Variants in EVPL observed in about 807,000 individuals in gnomAD.
The protein encoded by EVPL is envoplakin.
In EVPL, 94 loss-of-function variants were observed where a neutral mutation model predicts 129.7. That is an observed-to-expected ratio of 0.72 (90% CI 0.61 to 0.86). The LOEUF is 0.86. EVPL is among the 40% of genes least tolerant of loss of function. The pLI is 0.00. For missense variants in EVPL, 2,625 were observed against 2,721.1 expected (o/e 0.96, Z 0.79); for synonymous variants, 1,172 against 1,191.1 (o/e 0.98, Z 0.33).
rs935670032 is a variant in EVPL at position 76,013,029 on chromosome 17, C to T, written c.2374-940G>A. On this transcript the variant is annotated intron_variant, in intron 18 of 21. Coordinates refer to ENST00000301607, the MANE Select transcript of EVPL (RefSeq NM_001988.4). This position sits in a 1 kb window ranked among gnomAD's most constrained non-coding sequence, Gnocchi z 4.3. ...AAAGTGCTGGGATTACAGGCGTGAG[C>T]CACCGCGCCCGGCCTGAGAATTCAT... Among the ~76,000 whole-genome samples the T allele has an allele frequency of 8.5e-5, 13 of 152,150 alleles. No homozygotes were observed. The highest frequency in any genetic ancestry group is 3.1e-4 in the African/African-American group (13 of 41,434).
At chr17:76,021,617 C>CGGG in intron 8 of EVPL, 54 bp from the exon 9 acceptor site, 1 of 1,396,384 alleles carries the variant, frequency 7.2e-7, no homozygotes, top group Non-Finnish European at 9.4e-7. Flanking sequence ...GTCCGCCCCA[C>CGGG]CTCCCCCCTT....
rs751613911 is a variant in EVPL at position 76,010,004 on chromosome 17, C to T, written c.3201G>A (p.Glu1067=). 8 of 1,613,426 alleles carry T rather than the reference C, an allele frequency of 5.0e-6. No individual in the cohort carries two copies. The African/African-American group carries it at 5.3e-5, about 11-fold the overall frequency. Residue 1067 remains glutamate, a synonymous_variant, in exon 22 of 22, where the codon GAG becomes GAA. Coordinates refer to ENST00000301607, the MANE Select transcript of EVPL (RefSeq NM_001988.4). ...KKELLALEKR[E]VDVKEKVVVK... is the part of the protein sequence containing the mutation. ...CCACGACCTTCTCCTTCACGTCCAC[C>T]TCCCTCTTCTCAAGGGCCAGTAGCT... is the stretch of plus-strand genomic sequence containing the variant.
chr17:76,023,737 C>A (rs3893461), intron 2 of EVPL, 83 bp from the exon 3 acceptor site: 1 of 1,454,424 alleles, frequency 6.9e-7, no homozygotes, highest in Non-Finnish European at 9.1e-7. Context: ...TGAGCCCCAA[C>A]TTTGGGACCC....
Position 76,023,286 on chromosome 17 carries a change from C to T in EVPL, c.480+6G>A, listed in dbSNP as rs553374842. On this transcript the variant is annotated splice_donor_region_variant and intron_variant, in intron 4 of 21. Coordinates refer to ENST00000301607, the MANE Select transcript of EVPL (RefSeq NM_001988.4). ...TCACACTGGGGTGTGACTTTGAGTT[C>T]CTGACCTGTTTCTGCTCCAGCACGC... is the stretch of plus-strand genomic sequence containing the variant. The T allele has an allele frequency of 1.5e-5, 24 of 1,613,814 alleles. No homozygotes were observed. The South Asian group carries it at 2.4e-4, about 16-fold the overall frequency.
chr17:76,008,893 C>T lies in EVPL; in HGVS notation c.4312G>A (p.Glu1438Lys), dbSNP rs1308064195. 2 of 1,613,824 alleles carry T rather than the reference C, an allele frequency of 1.2e-6. No individual in the cohort carries two copies. The highest frequency in any genetic ancestry group is 1.7e-5 in the Admixed American group (1 of 60,024). The change falls in exon 22 of 22, where the codon GAG becomes AAG. Residue 1438 changes from glutamate (E) to lysine (K), a missense_variant. Transcript: ENST00000301607. The surrounding 1 kb of genome is among the most constrained non-coding windows in gnomAD (Gnocchi z 7.4). ...ATCCTCAAGGTCAGCTGCCGCAGCT[C>T]CCTCTCCACGGCCAGCTTCTTGCTG... ...DRSKKLAVER[E>K]LRQLTLRIQE...
chr17:76,021,602 C>A (rs747216415), intron 8 of EVPL, 39 bp from the exon 9 acceptor site: 3 of 1,446,250 alleles, frequency 2.1e-6, no homozygotes, highest in Non-Finnish European at 1.8e-6. Flanking sequence ...CCACGCCCCC[C>A]CCACGTCCGC....
chr17:76,007,265 C>T lies in EVPL; in HGVS notation c.5940G>A (p.Lys1980=), dbSNP rs1334896359. ...QLLQDESSYE[K]DLTDPISKER... Reference sequence around the variant, plus strand: ...CCTTGGAGATGGGGTCTGTCAAATCCTTCTCGTAGCTGGACTCGTCCTGCA... The same window carrying T: ...CCTTGGAGATGGGGTCTGTCAAATCTTTCTCGTAGCTGGACTCGTCCTGCA... Residue 1980 remains lysine, a synonymous_variant, in exon 22 of 22, where the codon AAG becomes AAA. Transcript: ENST00000301607. The surrounding 1 kb of genome is among the most constrained non-coding windows in gnomAD (Gnocchi z 8.8). 2 of 1,564,384 alleles carry T rather than the reference C, an allele frequency of 1.3e-6. No homozygotes were observed. The highest frequency in any genetic ancestry group is 1.9e-5 in the Admixed American group (1 of 52,358).
At position 76,008,215 on chromosome 17, in the gene EVPL, C is replaced by A. The variant is rs376849439; in HGVS notation, c.4990G>T (p.Ala1664Ser). 6.2e-7 allele frequency: 1 copy of A among 1,614,074 alleles called. No homozygotes were observed. Among genetic ancestry groups the A allele is most frequent in the East Asian group, 2.2e-5 (1 of 44,886 alleles). ...CTGAGCTCCTCCCGGCTCACCTTGG[C>A]GTGGAGGTCCCGGAGCGTCCGCTCC... is the stretch of plus-strand genomic sequence containing the variant. ...EKERTLRDLH[A>S]KVSREELSQE... The change falls in exon 22 of 22, where the codon GCC becomes TCC. Residue 1664 changes from alanine (A) to serine (S), a missense_variant. Around this residue, in one of 4 missense-constraint regions of EVPL, gnomAD observed 1,453 missense variants for 1,511.8 expected, o/e 0.96. Transcript: ENST00000301607. This position sits in a 1 kb window ranked among gnomAD's most constrained non-coding sequence, Gnocchi z 7.4.
rs555827892 is a variant in EVPL, at chr17:76,008,973, T to G, written c.4232A>C (p.Gln1411Pro). The change falls in exon 22 of 22, where the codon CAG becomes CCG. Residue 1411 changes from glutamine (Q) to proline (P), a missense_variant. Physicochemically the swap from Gln to Pro is moderately conservative, Grantham distance 76. This residue lies in a region of EVPL where 1,453 missense variants were observed against 1,511.8 expected (regional missense o/e 0.96). Transcript: ENST00000301607. This position sits in a 1 kb window ranked among gnomAD's most constrained non-coding sequence, Gnocchi z 7.4. ...RRRQLELEVQ[Q>P]LRAGVEEQEG... is the part of the protein sequence containing the mutation. ...CTGCTCCTCCACGCCGGCCCGCAGC[T>G]GCTGCACCTCAAGCTCTAGCTGGCG... 6.2e-7 allele frequency: 1 copy of G among 1,611,744 alleles called. No homozygotes were observed. The highest frequency in any genetic ancestry group is 2.2e-5 in the East Asian group (1 of 44,866).
In EVPL at chr17:76,008,012, G is replaced by C; in HGVS notation, c.5193C>G (p.Pro1731=). The C allele has an allele frequency of 1.2e-6, 2 of 1,614,098 alleles. No individual in the cohort carries two copies. Residue 1731 remains proline, a synonymous_variant, in exon 22 of 22, where the codon CCC becomes CCG. Transcript: ENST00000301607. The surrounding 1 kb of genome is among the most constrained non-coding windows in gnomAD (Gnocchi z 7.4). ...CDWEEVTTSG[P]CGEESVLLDR... is the part of the protein sequence containing the mutation. ...CCAGGAGCACAGACTCCTCCCCACAGGGCCCCGAGGTGGTGACCTCCTCCC... is the reference window on the plus strand; with the variant it reads ...CCAGGAGCACAGACTCCTCCCCACACGGCCCCGAGGTGGTGACCTCCTCCC...
rs889969019 is a variant in EVPL, at chr17:76,027,020, G to T, written c.98+81C>A. The T allele has an allele frequency of 1.9e-5, 16 of 842,972 alleles. No individual in the cohort carries two copies. The East Asian group carries it at 4.8e-4, about 26-fold the overall frequency. 52.2% of individuals were successfully genotyped at this position (842,972 alleles called of 1,614,324 possible). ...TGGTCCTGGGCTCTGGGCCGCCGCC[G>T]CCGCCAGGTGGCTCAAGGACCTGGG... On this transcript the variant is annotated intron_variant, in intron 1 of 21. Coordinates refer to ENST00000301607, the MANE Select transcript of EVPL (RefSeq NM_001988.4).
In EVPL at chr17:76,008,645, GTA is replaced by G. The variant is rs765264329; in HGVS notation, c.4558_4559del (p.Tyr1520GlnfsTer15). ...CCTTCTGCACCCGGATCACTTCCTT[GTA>G]GATGGTCTTCTCCTGCGATTTGGCT... ...QKAKSQEKTIYKEVIRVQKDR... is the reference protein window; with the variant it reads ...QKAKSQEKTIXKEVIRVQKDR... On this transcript the variant is annotated frameshift_variant, in exon 22 of 22. Coordinates refer to ENST00000301607, the MANE Select transcript of EVPL (RefSeq NM_001988.4). LOFTEE classifies it low-confidence loss of function (END_TRUNC). This position sits in a 1 kb window ranked among gnomAD's most constrained non-coding sequence, Gnocchi z 7.4. 398 of 1,612,458 alleles carry G rather than the reference GTA, an allele frequency of 2.5e-4. 3 individuals are homozygous for G. The African/African-American group carries it at 5.1e-3, about 21-fold the overall frequency.
intron 21 of EVPL, among the ~76,000 whole-genome samples, chr17:76,010,858 C>T (rs903419400): frequency 6.6e-6 from 1 of 152,088 alleles, no homozygotes; most frequent in Non-Finnish European, 1.5e-5. Context: ...GTCAGGAGTT[C>T]GAGACCAGCC....
chr17:76,021,900 C>T lies in EVPL; in HGVS notation c.774G>A (p.Met258Ile). 1 of 1,561,198 alleles carries T rather than the reference C, an allele frequency of 6.4e-7. No homozygotes were observed. The highest frequency in any genetic ancestry group is 8.6e-7 in the Non-Finnish European group (1 of 1,160,642). Residue 258 changes from methionine (M) to isoleucine (I), a missense_variant, in exon 7 of 22, where the codon ATG becomes ATA. By Grantham distance (10) the Met-to-Ile change is conservative (BLOSUM62 1). Around this residue, in one of 4 missense-constraint regions of EVPL, gnomAD observed 1,024 missense variants for 997.5 expected, o/e 1.03. Coordinates refer to ENST00000301607, the MANE Select transcript of EVPL (RefSeq NM_001988.4). The stretch of plus-strand genomic sequence containing the variant: ...CCCGCCGCACGCCCGCAGGGTCGGC[C>T]ATGAGGTCGCTCCAGTCCTGCTGCA... ...RILQQDWSDL[M>I]ADPAGVRREY...
intron 21 of EVPL, among the ~76,000 whole-genome samples, chr17:76,010,780 G>T (rs995326948): frequency 6.6e-6 from 1 of 152,196 alleles, no homozygotes; most frequent in Non-Finnish European, 1.5e-5. Flanking sequence ...GCAAGTAAGG[G>T]CCAGGTGCAA....
At chr17:76,014,707 C>G in intron 17 of EVPL, 131 bp from the exon 18 acceptor site, 1 of 1,297,674 alleles carries the variant, frequency 7.7e-7, no homozygotes, top group Non-Finnish European at 1.1e-6. Flanking sequence ...CTGTGCAGAT[C>G]CCCACTCCCT....
At position 76,017,844 on chromosome 17, in the gene EVPL, A is replaced by C. The variant is rs779724147; in HGVS notation, c.1605T>G (p.Asp535Glu). 6.2e-7 allele frequency: 1 copy of C among 1,613,996 alleles called. No individual in the cohort carries two copies. ...QKLLTQMTRLDGDLGQIERQV... is the reference protein window; with the variant it reads ...QKLLTQMTRLEGDLGQIERQV... ...GCCTCTCTATCTGTCCCAGGTCTCC[A>C]TCCAGCCGGGTCATCTGTGTCAGGA... Residue 535 changes from aspartate to glutamate, a missense_variant, in exon 14 of 22, where the codon GAT becomes GAG. This residue lies in a region of EVPL where 1,024 missense variants were observed against 997.5 expected (regional missense o/e 1.03). Transcript: ENST00000301607.
Position 76,018,147 on chromosome 17 carries a change from G to A in EVPL, c.1537+14C>T, listed in dbSNP as rs8071298. 117,945 of 1,550,678 alleles carry A rather than the reference G, an allele frequency of 0.076. 7,131 individuals carry two copies. The highest frequency in any genetic ancestry group is 0.33 in the African/African-American group (23,941 of 73,062). ...TAGCCCCACAGCCACCTCTCCCCGGGCCACCCTGGGTACCCTGCTGGCTGG... is the reference window on the plus strand; with the variant it reads ...TAGCCCCACAGCCACCTCTCCCCGGACCACCCTGGGTACCCTGCTGGCTGG... On this transcript the variant is annotated intron_variant, in intron 13 of 21. Coordinates refer to ENST00000301607, the MANE Select transcript of EVPL (RefSeq NM_001988.4).
chr17:76,018,737 G>T, intron 11 of EVPL, 137 bp from the exon 12 acceptor site: 1 of 1,217,766 alleles, frequency 8.2e-7, no homozygotes, highest in Non-Finnish European at 1.1e-6. Flanking sequence ...GAGGTGCTGG[G>T]GTAGAAAAGA....
Sources: allele counts gnomAD v4.1 joint callset (sites outside exome capture counted in the v4.1 genomes callset), GRCh38; gene constraint gnomAD v4.1.1; regional missense constraint gnomAD v4.1.1; non-coding constraint Gnocchi (gnomAD v3.1); transcripts MANE v1.5; gene names NCBI Gene and HGNC (gene_info 2026-07-23, HGNC 2026-07-21).